The following RBFOX1 variants were observed in gnomAD, a reference collection of about 807,000 sequenced individuals.
RBFOX1 encodes RNA binding protein fox-1 homolog 1.
Under a neutral mutation model 57.7 loss-of-function variants are expected in RBFOX1, and 8 were observed. The observed-to-expected ratio is 0.14, with a 90% CI of 0.08 to 0.25. The LOEUF (loss-of-function observed/expected upper bound fraction) is 0.25. RBFOX1 is among the 10% of genes least tolerant of loss of function. The pLI, the probability that RBFOX1 is intolerant of heterozygous loss-of-function variation, is 1.00. For missense variants in RBFOX1, 611 were observed against 548.5 expected (o/e 1.11, Z -1.14); for synonymous variants, 326 against 222.4 (o/e 1.47, Z -4.15).
chr16:7,455,269 C>T (rs150940034), intron 4 of RBFOX1, among the ~76,000 whole-genome samples: 3 of 152,220 alleles, frequency 2.0e-5, no homozygotes, highest in African/African-American at 7.2e-5. Flanking sequence ...AATATGTATT[C>T]CTTGGATACA....
chr16:6,479,114 G>C (rs964963217), intron 2 of RBFOX1, among the ~76,000 whole-genome samples: 1 of 152,132 alleles, frequency 6.6e-6, no homozygotes, highest in Non-Finnish European at 1.5e-5. Flanking sequence ...GTGTGTAAGC[G>C]TGTATACAAC....
intron 3 of RBFOX1, among the ~76,000 whole-genome samples, chr16:5,775,995 G>A (rs1397745661): frequency 6.6e-6 from 1 of 152,104 alleles, no homozygotes; most frequent in African/African-American, 2.4e-5. Flanking sequence ...TACATCACCT[G>A]GCCCAGGCTG....
At chr16:6,316,583 G>A (rs1047411895) in intron 1 of RBFOX1, among the ~76,000 whole-genome samples, 9 of 152,154 alleles carry the variant, frequency 5.9e-5, no homozygotes, top group African/African-American at 1.9e-4. Flanking sequence ...TATCTGAAAT[G>A]TCAACCTCCA....
At chr16:5,415,141 C>T (rs1398792590) in intron 1 of RBFOX1, among the ~76,000 whole-genome samples, 1 of 152,154 alleles carries the variant, frequency 6.6e-6, no homozygotes, top group Non-Finnish European at 1.5e-5. Flanking sequence ...TCTAAAGATA[C>T]TACCTGAGAA....
intron 3 of RBFOX1, among the ~76,000 whole-genome samples, chr16:5,784,448 C>G (rs974144944): frequency 6.6e-6 from 1 of 151,638 alleles, no homozygotes; most frequent in South Asian, 2.1e-4. Context: ...AAAGAGGAAG[C>G]AGGCACATCT....
At chr16:6,966,829 GTCTATCTA>G (rs112015730) in intron 3 of RBFOX1, among the ~76,000 whole-genome samples, 6 of 148,718 alleles carry the variant, frequency 4.0e-5, no homozygotes, top group South Asian at 2.1e-4. Flanking sequence ...CTATCTATCT[GTCTATCTA>G]TCTATCCATC....
chr16:7,349,572 C>A (rs992919364), intron 4 of RBFOX1, among the ~76,000 whole-genome samples: 1 of 152,056 alleles, frequency 6.6e-6, no homozygotes, highest in Non-Finnish European at 1.5e-5. Context: ...ATACTCCTCC[C>A]TTTCCGTTTT....
At chr16:5,764,019 T>C (rs1183809854) in intron 3 of RBFOX1, among the ~76,000 whole-genome samples, 1 of 152,226 alleles carries the variant, frequency 6.6e-6, no homozygotes, top group Non-Finnish European at 1.5e-5. Flanking sequence ...ATCCTATTCA[T>C]TGCTGTACCC....
chr16:5,594,841 A>G (rs988807299), intron 2 of RBFOX1, among the ~76,000 whole-genome samples: 2 of 151,962 alleles, frequency 1.3e-5, no homozygotes, highest in Non-Finnish European at 2.9e-5. Flanking sequence ...TATATACACA[A>G]AAATGTGTGG....
At chr16:6,907,774 A>G (rs867882492) in intron 3 of RBFOX1, among the ~76,000 whole-genome samples, 2 of 145,970 alleles carry the variant, frequency 1.4e-5, no homozygotes, top group African/African-American at 2.4e-5. Context: ...GGGTTTCACC[A>G]TTTTGGCCAG....
At chr16:6,757,599 G>A (rs12102314) in intron 3 of RBFOX1, among the ~76,000 whole-genome samples, 1 of 152,068 alleles carries the variant, frequency 6.6e-6, no homozygotes, top group Non-Finnish European at 1.5e-5. Flanking sequence ...TAAAAAAGTT[G>A]ATCTCTGGAG....
chr16:7,342,903 C>G (rs1415131454), intron 4 of RBFOX1, among the ~76,000 whole-genome samples: 1 of 152,102 alleles, frequency 6.6e-6, no homozygotes, highest in African/African-American at 2.4e-5. Flanking sequence ...TCAGTAGAGT[C>G]GGAAGTTAAT....
intron 4 of RBFOX1, among the ~76,000 whole-genome samples, chr16:7,180,714 G>T (rs1457318094): frequency 6.8e-6 from 1 of 146,106 alleles, no homozygotes; most frequent in Non-Finnish European, 1.5e-5. Context: ...TTATTATGAT[G>T]AAAAAAAAAA....
chr16:6,483,096 C>T (rs2095399355), intron 2 of RBFOX1: 3 of 1,003,946 alleles, frequency 3.0e-6, no homozygotes, highest in East Asian at 1.1e-4. Flanking sequence ...CCCGTAGGGG[C>T]GGGACCCACG....
At chr16:7,696,245 C>G (rs552457736) in intron 14 of RBFOX1, among the ~76,000 whole-genome samples, 11 of 152,246 alleles carry the variant, frequency 7.2e-5, no homozygotes, top group African/African-American at 2.2e-4. Context: ...AGAATGTGTG[C>G]TCTGTTGGGT....
chr16:6,963,024 C>G (rs1175628221), intron 3 of RBFOX1, among the ~76,000 whole-genome samples: 2 of 152,122 alleles, frequency 1.3e-5, no homozygotes, highest in African/African-American at 2.4e-5. Context: ...CTCTGTAAAC[C>G]TTGGATTTGA....
intron 3 of RBFOX1, among the ~76,000 whole-genome samples, chr16:6,815,417 C>G (rs1190876791): frequency 6.6e-6 from 1 of 152,160 alleles, no homozygotes; most frequent in Non-Finnish European, 1.5e-5. Flanking sequence ...TACCTAACCC[C>G]TTTTCAAGAT....
At chr16:7,366,683 C>G (rs565965208) in intron 4 of RBFOX1, among the ~76,000 whole-genome samples, 1 of 151,756 alleles carries the variant, frequency 6.6e-6, no homozygotes, top group African/African-American at 2.4e-5. Flanking sequence ...ATTTGTCAAG[C>G]CTGCATTGTG....
intron 4 of RBFOX1, among the ~76,000 whole-genome samples, chr16:7,365,292 T>C (rs1346411115): frequency 6.6e-6 from 1 of 152,208 alleles, no homozygotes; most frequent in African/African-American, 2.4e-5. Flanking sequence ...TTGCCACTTA[T>C]TTTGTAGCAG....
Sources: gnomAD v4.1 joint callset for allele counts (sites outside exome capture counted in the v4.1 genomes callset) on GRCh38, gnomAD v4.1.1 for gene constraint, MANE v1.5 for transcripts, NCBI Gene and HGNC (gene_info 2026-07-23, HGNC 2026-07-21) for gene names.